Variants in PARVB observed in about 807,000 individuals in gnomAD.
The protein encoded by PARVB is beta-parvin.
PARVB carries 46 observed loss-of-function variants against 47.0 expected under a neutral mutation model. That is an observed-to-expected ratio of 0.98 (90% CI 0.77 to 1.25). PARVB has a LOEUF of 1.25. PARVB is among the 50% of genes most tolerant of loss of function. PARVB has a pLI of 0.00. For synonymous variants in PARVB, 196 were observed against 196.3 expected, an observed-to-expected ratio of 1.00 and a Z score of 0.01; for missense variants, 473 against 471.6, an observed-to-expected ratio of 1.00 and a Z score of -0.03.
rs2051165254 is a variant in PARVB, at chr22:44,049,198, C to G, written c.112+24747C>G. ...TGAGAGAGGGTGAGAAACCAGGTCT[C>G]TGGCTGAATGCACCTCTCACTGAAG... On this transcript the variant is annotated intron_variant, in intron 1 of 12. Coordinates refer to ENST00000338758, the MANE Select transcript of PARVB (RefSeq NM_013327.5). This position sits in a 1 kb window ranked among gnomAD's most constrained non-coding sequence, Gnocchi z 4.0. Among the ~76,000 whole-genome samples the G allele has an allele frequency of 6.6e-6, 1 of 152,202 alleles. No homozygotes were observed. Among genetic ancestry groups the G allele is most frequent in the South Asian group, 2.1e-4 (1 of 4,832 alleles).
chr22:44,060,733 G>C (rs1384703604), intron 1 of PARVB, among the ~76,000 whole-genome samples: 1 of 151,920 alleles, frequency 6.6e-6, no homozygotes, highest in East Asian at 1.9e-4. Context: ...CTAATCAGCC[G>C]GCTGGAGTGG....
chr22:44,029,358 C>T (rs953429273), intron 1 of PARVB, among the ~76,000 whole-genome samples: 24 of 152,290 alleles, frequency 1.6e-4, no homozygotes, highest in African/African-American at 3.8e-4. Context: ...ATTTTGGATA[C>T]AAGTCATGTG....
intron 1 of PARVB, among the ~76,000 whole-genome samples, chr22:44,032,462 C>T (rs534928039): frequency 9.9e-5 from 15 of 152,004 alleles, no homozygotes; most frequent in Admixed American, 2.6e-4. Context: ...GTGGGCAGAT[C>T]CCAGCTCTGC....
At chr22:44,010,071 G>T (rs980725812) in intron 2 of PARVB, among the ~76,000 whole-genome samples, 7 of 152,142 alleles carry the variant, frequency 4.6e-5, no homozygotes, top group Non-Finnish European at 8.8e-5. Flanking sequence ...CTCCCAATGT[G>T]CTGGAATTAC....
chr22:44,012,747 CT>C (rs34505405), intron 2 of PARVB, among the ~76,000 whole-genome samples: 79,598 of 151,838 alleles, frequency 0.52, 21,169 homozygotes, highest in East Asian at 0.75. Flanking sequence ...ATTTCACAGT[CT>C]TAAGTATTCC....
At chr22:44,039,022 G>A (rs567135512) in intron 1 of PARVB, among the ~76,000 whole-genome samples, 63 of 152,214 alleles carry the variant, frequency 4.1e-4, no homozygotes, top group African/African-American at 1.2e-3. Flanking sequence ...AGTGCTCCCC[G>A]TCACCAGCCA....
chr22:44,146,518 G>C (rs930968036), intron 8 of PARVB: 1 of 152,380 alleles, frequency 6.6e-6, no homozygotes, highest in African/African-American at 2.4e-5. Context: ...CACGGAAGGG[G>C]CTACTTGGGC....
intron 8 of PARVB, chr22:44,144,179 G>C (rs2053615071): frequency 6.6e-6 from 1 of 152,324 alleles, no homozygotes; most frequent in Admixed American, 6.5e-5. Flanking sequence ...TTGAACCCCA[G>C]GACTGCTTTG....
At chr22:44,153,433 A>G (rs2053853123) in intron 10 of PARVB, 1 of 151,850 alleles carries the variant, frequency 6.6e-6, no homozygotes, top group Non-Finnish European at 1.5e-5. Context: ...GGTTCAAGCA[A>G]TTCTCCTCCC....
intron 4 of PARVB, among the ~76,000 whole-genome samples, chr22:44,127,241 T>C (rs951811698): frequency 1.5e-5 from 2 of 129,534 alleles, no homozygotes; most frequent in Non-Finnish European, 3.5e-5. Context: ...TGGTTTGACA[T>C]ATTAAAACCA....
intron 2 of PARVB, among the ~76,000 whole-genome samples, chr22:44,005,254 C>T (rs914903431): frequency 2.0e-5 from 3 of 147,546 alleles, no homozygotes; most frequent in African/African-American, 5.0e-5. Context: ...CGTGTGCCAC[C>T]GTGCCCAGCT....
At chr22:44,064,908 C>T (rs2051489256) in intron 1 of PARVB, among the ~76,000 whole-genome samples, 1 of 152,210 alleles carries the variant, frequency 6.6e-6, no homozygotes, top group Non-Finnish European at 1.5e-5. Flanking sequence ...TGAGGGTTCT[C>T]AGAGCTAGAT....
chr22:44,083,424 G>A (rs1195309543), intron 1 of PARVB, among the ~76,000 whole-genome samples: 1 of 152,204 alleles, frequency 6.6e-6, no homozygotes. Context: ...GGGTCGGGGG[G>A]TGCAGGGAGA....
chr22:44,067,404 C>G (rs952936738), intron 1 of PARVB, among the ~76,000 whole-genome samples: 1 of 152,244 alleles, frequency 6.6e-6, no homozygotes, highest in Non-Finnish European at 1.5e-5. Flanking sequence ...CCTGACTGAT[C>G]CTCTGTTATT....
At chr22:44,069,162 A>G in intron 1 of PARVB, 4 of 1,612,024 alleles carry the variant, frequency 2.5e-6, no homozygotes, top group East Asian at 2.2e-5. Flanking sequence ...CCTCCTCGCC[A>G]GTGAGTTCTG....
At chr22:44,012,957 C>T (rs1034862462) in intron 2 of PARVB, among the ~76,000 whole-genome samples, 2 of 151,556 alleles carry the variant, frequency 1.3e-5, no homozygotes, top group East Asian at 1.9e-4. Context: ...AGTGCAGTTG[C>T]GCGATGTCAG....
intron 3 of PARVB, chr22:44,109,673 A>T (rs1454201018): frequency 6.6e-6 from 1 of 152,006 alleles, no homozygotes; most frequent in African/African-American, 2.4e-5. Flanking sequence ...ATTTGATTTT[A>T]ATCTGTTTGT....
intron 2 of PARVB, among the ~76,000 whole-genome samples, chr22:44,011,994 T>C (rs1480488023): frequency 6.6e-6 from 1 of 152,272 alleles, no homozygotes; most frequent in African/African-American, 2.4e-5. Context: ...GAATGTCTAA[T>C]AGACTTGGCC....
intron 1 of PARVB, among the ~76,000 whole-genome samples, chr22:44,036,973 G>A (rs2050933694): frequency 6.6e-6 from 1 of 151,504 alleles, no homozygotes; most frequent in African/African-American, 2.4e-5. Context: ...GACAGAGTGA[G>A]GCCCTGCATC....
Sources: allele counts gnomAD v4.1 joint callset (sites outside exome capture counted in the v4.1 genomes callset), GRCh38; gene constraint gnomAD v4.1.1; non-coding constraint Gnocchi (gnomAD v3.1); transcripts MANE v1.5; gene names NCBI Gene and HGNC (gene_info 2026-07-23, HGNC 2026-07-21).